Variants in BICRAL observed in about 807,000 individuals in gnomAD.
The protein encoded by BICRAL is BRD4-interacting chromatin-remodeling complex-associated protein-like.
In BICRAL, 8 loss-of-function variants were observed where a neutral mutation model predicts 91.8. That is an observed-to-expected ratio of 0.09 (90% confidence interval 0.05 to 0.16). BICRAL has a LOEUF of 0.16. Ranked by LOEUF, BICRAL falls within the 10% of genes least tolerant of loss-of-function variation. The probability of loss-of-function intolerance (pLI) is 1.00; values close to 1 mark genes in which losing one functional copy is unlikely to be tolerated. For missense variants in BICRAL, 1,038 were observed against 1,310.9 expected, an observed-to-expected ratio of 0.79 and a Z score of 3.21; for synonymous variants, 445 against 491.1, an observed-to-expected ratio of 0.91 and a Z score of 1.24.
At chr6:42,784,808 C>G (rs376048210) in intron 1 of BICRAL, among the ~76,000 whole-genome samples, 1 of 152,052 alleles carries the variant, frequency 6.6e-6, no homozygotes, top group Non-Finnish European at 1.5e-5. Flanking sequence ...TTGCTAGGGC[C>G]AACTGGGTCT....
At chr6:42,770,044 CT>C (rs1292943995) in intron 1 of BICRAL, among the ~76,000 whole-genome samples, 1 of 152,152 alleles carries the variant, frequency 6.6e-6, no homozygotes, top group Non-Finnish European at 1.5e-5. Context: ...CTTCCATGAT[CT>C]GCAAAGCCCC....
Position 42,865,648 on chromosome 6 carries a change from C to G in BICRAL, c.*202C>G, listed in dbSNP as rs948240785. The G allele has an allele frequency of 9.2e-6, 5 of 544,344 alleles. No homozygotes were observed. In the East Asian group the frequency reaches 1.5e-4, roughly 16 times the overall value. The allele number at this position is 544,344 out of a possible 1,614,324, so 33.7% of individuals were successfully genotyped here. On this transcript the variant is annotated 3_prime_UTR_variant, in exon 13 of 13. Transcript: ENST00000314073. ...TACTTGTCGTGATTACAGGGAGATCCTTTAGTAAAATTAATCCTTGGCAGA... is the reference window on the plus strand; with the variant it reads ...TACTTGTCGTGATTACAGGGAGATCGTTTAGTAAAATTAATCCTTGGCAGA...
At chr6:42,812,245 G>C (rs1763860974) in intron 2 of BICRAL, among the ~76,000 whole-genome samples, 1 of 152,110 alleles carries the variant, frequency 6.6e-6, no homozygotes, top group Admixed American at 6.6e-5. Flanking sequence ...GATTGCTTGA[G>C]GCCAGGAGTA....
intron 1 of BICRAL, among the ~76,000 whole-genome samples, chr6:42,768,808 T>A (rs1469139448): frequency 6.6e-6 from 1 of 151,662 alleles, no homozygotes; most frequent in African/African-American, 2.4e-5. Flanking sequence ...CCTTGTAGTC[T>A]GCTCCTCACA....
At chr6:42,830,216 G>C (rs1387338415) in intron 6 of BICRAL, 44 bp downstream of exon 6, 1 of 1,576,728 alleles carries the variant, frequency 6.3e-7, no homozygotes, top group African/African-American at 1.4e-5. Flanking sequence ...TTATAGAATG[G>C]AAAAATGAGA....
chr6:42,857,076 A>G lies in BICRAL; in HGVS notation c.2109-15A>G, dbSNP rs902868561. ...ACATGACTTTACATTGACATTGACC[A>G]TTTCCCTTGTAAAGCATTCTCCAGC... On this transcript the variant is annotated splice_polypyrimidine_tract_variant and intron_variant, in intron 9 of 12. Coordinates refer to ENST00000314073, the MANE Select transcript of BICRAL (RefSeq NM_001393499.1). The G allele has an allele frequency of 1.2e-6, 2 of 1,601,488 alleles. No individual in the cohort carries two copies. The highest frequency in any genetic ancestry group is 2.7e-5 in the African/African-American group (2 of 74,538).
intron 2 of BICRAL, among the ~76,000 whole-genome samples, chr6:42,812,597 C>T (rs1444560955): frequency 6.6e-6 from 1 of 151,998 alleles, no homozygotes; most frequent in Non-Finnish European, 1.5e-5. Context: ...AATTGAACTT[C>T]TGGAGATGAA....
At chr6:42,795,020 C>G (rs997310625) in intron 1 of BICRAL, among the ~76,000 whole-genome samples, 1 of 151,792 alleles carries the variant, frequency 6.6e-6, no homozygotes, top group African/African-American at 2.4e-5. Flanking sequence ...GATCTCTCCA[C>G]CAATACTCAC....
chr6:42,843,020 A>AT (rs1241409323), intron 6 of BICRAL, among the ~76,000 whole-genome samples: 1 of 151,674 alleles, frequency 6.6e-6, no homozygotes, highest in Non-Finnish European at 1.5e-5. Flanking sequence ...CACCCATTTA[A>AT]TTTTTTGTAT....
intron 1 of BICRAL, among the ~76,000 whole-genome samples, chr6:42,768,826 C>A (rs1762677445): frequency 6.6e-6 from 1 of 152,174 alleles, no homozygotes; most frequent in Non-Finnish European, 1.5e-5. Flanking sequence ...ACAGCTGACC[C>A]AGTCTCTGTG....
At chr6:42,850,550 A>G (rs1765147474) in intron 6 of BICRAL, among the ~76,000 whole-genome samples, 1 of 151,748 alleles carries the variant, frequency 6.6e-6, no homozygotes, top group South Asian at 2.1e-4. Context: ...AAAACTCTGA[A>G]AAGTTACTGC....
intron 6 of BICRAL, among the ~76,000 whole-genome samples, chr6:42,834,056 G>C (rs1444591261): frequency 6.6e-6 from 1 of 152,124 alleles, no homozygotes; most frequent in African/African-American, 2.4e-5. Flanking sequence ...GTTTCTCCAT[G>C]TTGGCCAGGC....
At chr6:42,854,902 C>G (rs941554952) in intron 8 of BICRAL, among the ~76,000 whole-genome samples, 1 of 152,062 alleles carries the variant, frequency 6.6e-6, no homozygotes, top group East Asian at 1.9e-4. Flanking sequence ...TCAAGTTTGG[C>G]TTTTAAACCT....
chr6:42,844,035 C>A (rs1198492895), intron 6 of BICRAL, among the ~76,000 whole-genome samples: 3 of 148,308 alleles, frequency 2.0e-5, no homozygotes, highest in Non-Finnish European at 4.5e-5. Flanking sequence ...AACTCCTGAC[C>A]TTGTGATCCG....
At chr6:42,845,195 G>GGTTT (rs1562490931) in intron 6 of BICRAL, among the ~76,000 whole-genome samples, 260 of 25,616 alleles carry the variant, frequency 0.01, 59 homozygotes, top group South Asian at 0.018. Context: ...TTTTTTGGGT[G>GGTTT]TTTTTTTTTT....
chr6:42,756,166 C>T (rs545581118), intron 1 of BICRAL, among the ~76,000 whole-genome samples: 32 of 152,332 alleles, frequency 2.1e-4, no homozygotes, highest in Non-Finnish European at 4.6e-4. Flanking sequence ...TCTCAATCGT[C>T]ATTCCCTCCT....
At chr6:42,845,226 TTTTTTTTTTTTTTTTTTTTTTTA>T (rs1764968464) in intron 6 of BICRAL, among the ~76,000 whole-genome samples, 1 of 80,944 alleles carries the variant, frequency 1.2e-5, no homozygotes, top group Non-Finnish European at 2.4e-5. Context: ...TTTTTTTTTT[TTTTTTTTTTTTTTTTTTTTTTTA>T]GACAGAGTTT....
At chr6:42,815,224 C>T (rs1763957872) in intron 2 of BICRAL, among the ~76,000 whole-genome samples, 1 of 131,184 alleles carries the variant, frequency 7.6e-6, no homozygotes, top group Admixed American at 8.7e-5. Context: ...GAGTCTCGCT[C>T]TGTTGCCCAG....
At chr6:42,798,191 G>A (rs967774370) in intron 1 of BICRAL, among the ~76,000 whole-genome samples, 10 of 152,130 alleles carry the variant, frequency 6.6e-5, no homozygotes, top group African/African-American at 2.4e-4. Flanking sequence ...CTTTAAAAGG[G>A]GGTAGGGAGG....
Sources: gnomAD v4.1 joint callset for allele counts (sites outside exome capture counted in the v4.1 genomes callset) on GRCh38, gnomAD v4.1.1 for gene constraint, MANE v1.5 for transcripts, NCBI Gene and HGNC (gene_info 2026-07-23, HGNC 2026-07-21) for gene names.